Variants in EPM2A observed in about 807,000 individuals in gnomAD.
EPM2A encodes the protein EPM2A glucan phosphatase, laforin, also known as laforin.
A neutral mutation model predicts 26.5 loss-of-function variants in EPM2A; 21 were observed. The ratio of observed to expected loss-of-function variants is 0.79; its 90% CI spans 0.56 to 1.14. The LOEUF is 1.14. EPM2A is among the 50% of genes most tolerant of loss of function. EPM2A has a pLI of 0.00. For missense variants in EPM2A, 458 were observed against 440.8 expected, an observed-to-expected ratio of 1.04 and a Z score of -0.35; for synonymous variants, 217 against 177.6, an observed-to-expected ratio of 1.22 and a Z score of -1.76.
At position 145,422,873 on chromosome 6, in the gene EPM2A, A is replaced by G. The variant is rs145662458; in HGVS notation, c.556-38776T>C. On this transcript the variant is annotated intron_variant, in intron 4 of 4. Coordinates refer to the EPM2A transcript ENST00000638717. ...CAATAAGGGTCCTGTTGTTTTTAAT[A>G]TTTAATCACTAAAAATTTTTTTTCT... Among the ~76,000 whole-genome samples, 282 of 152,240 alleles carry G rather than the reference A, an allele frequency of 1.9e-3. 2 individuals carry two copies. The East Asian group carries it at 0.034, about 18-fold the overall frequency.
chr6:145,651,325 C>T (rs958594386), intron 2 of EPM2A, among the ~76,000 whole-genome samples: 1 of 152,190 alleles, frequency 6.6e-6, no homozygotes, highest in Non-Finnish European at 1.5e-5. Flanking sequence ...AAGTAGACTA[C>T]AATATACTTC....
chr6:145,541,304 GTGTGTGTATATACATATA>G (rs1289639047), intron 2 of EPM2A, among the ~76,000 whole-genome samples: 1 of 147,760 alleles, frequency 6.8e-6, no homozygotes, highest in Non-Finnish European at 1.5e-5. Flanking sequence ...CAATTTGTGT[GTGTGTGTATATACATATA>G]TATGTGTATA....
intron 2 of EPM2A, among the ~76,000 whole-genome samples, chr6:145,516,850 TA>T (rs1295115555): frequency 6.6e-6 from 1 of 152,226 alleles, no homozygotes; most frequent in Non-Finnish European, 1.5e-5. Flanking sequence ...TCTGTATATT[TA>T]TCCAAAAGAA....
intron 2 of EPM2A, among the ~76,000 whole-genome samples, chr6:145,527,003 C>T (rs180724730): frequency 6.6e-6 from 1 of 151,958 alleles, no homozygotes; most frequent in Non-Finnish European, 1.5e-5. Context: ...TCATTTACTT[C>T]AAATGATTTT....
intron 4 of EPM2A, among the ~76,000 whole-genome samples, chr6:145,478,961 G>T (rs532663907): frequency 6.6e-6 from 1 of 151,210 alleles, no homozygotes; most frequent in African/African-American, 2.4e-5. Context: ...TGTACTTTTC[G>T]CTTGATTTGT....
intron 2 of EPM2A, among the ~76,000 whole-genome samples, chr6:145,612,668 A>T (rs928988535): frequency 6.7e-6 from 1 of 149,762 alleles, no homozygotes; most frequent in African/African-American, 2.4e-5. Context: ...TGCTTATAAA[A>T]GCTATGTTTA....
Position 145,601,272 on chromosome 6 carries a change from A to T in EPM2A, c.340+33973T>A, listed in dbSNP as rs1248323043. The stretch of plus-strand genomic sequence containing the variant: ...GACCTATGGTGACCATACCTCTCAG[A>T]ATCCACTTCACCTGTTGTTTTTCCC... On this transcript the variant is annotated intron_variant, in intron 2 of 3. Transcript: ENST00000450221. Among the ~76,000 whole-genome samples, 3 of 152,168 alleles carry T rather than the reference A, an allele frequency of 2.0e-5. No individual in the cohort carries two copies. The East Asian group carries it at 5.8e-4, about 29-fold the overall frequency.
At chr6:145,645,462 C>T (rs1450977058) in intron 2 of EPM2A, among the ~76,000 whole-genome samples, 1 of 152,022 alleles carries the variant, frequency 6.6e-6, no homozygotes, top group Admixed American at 6.6e-5. Flanking sequence ...GTCACAATGC[C>T]CAGGTAATTT....
At chr6:145,482,963 A>G (rs1582789983) in intron 4 of EPM2A, among the ~76,000 whole-genome samples, 1 of 151,996 alleles carries the variant, frequency 6.6e-6, no homozygotes, top group South Asian at 2.1e-4. Context: ...GCAGCTCCAA[A>G]AGAAATAAAA....
intron 1 of EPM2A, among the ~76,000 whole-genome samples, chr6:145,698,352 C>A (rs932783790): frequency 1.3e-5 from 2 of 152,044 alleles, no homozygotes; most frequent in East Asian, 3.9e-4. Flanking sequence ...TCAAGGCATG[C>A]AGAAAAAGGA....
At chr6:145,495,103 C>A (rs78209217) in intron 4 of EPM2A, among the ~76,000 whole-genome samples, 1 of 152,236 alleles carries the variant, frequency 6.6e-6, no homozygotes, top group East Asian at 1.9e-4. Flanking sequence ...TTCCTCCTAT[C>A]ATTGTGTAGG....
chr6:145,651,014 G>C (rs144695724), intron 2 of EPM2A, among the ~76,000 whole-genome samples: 34 of 152,178 alleles, frequency 2.2e-4, no homozygotes, highest in Non-Finnish European at 1.5e-5. Flanking sequence ...GCCGCATCCT[G>C]CATGGATAGC....
intron 2 of EPM2A, among the ~76,000 whole-genome samples, chr6:145,601,552 G>A (rs1300474870): frequency 6.6e-6 from 1 of 152,168 alleles, no homozygotes; most frequent in African/African-American, 2.4e-5. Flanking sequence ...TGTTCTGTGT[G>A]TGTATGTGCA....
intron 1 of EPM2A, among the ~76,000 whole-genome samples, chr6:145,729,733 T>C (rs183031748): frequency 2.0e-5 from 3 of 152,200 alleles, no homozygotes; most frequent in Non-Finnish European, 4.4e-5. Flanking sequence ...ACTTCTGAGT[T>C]AATGCTGAAA....
chr6:145,562,106 G>A (rs1780813861), intron 2 of EPM2A, among the ~76,000 whole-genome samples: 1 of 134,896 alleles, frequency 7.4e-6, no homozygotes, highest in African/African-American at 2.8e-5. Flanking sequence ...AAAAAAACTA[G>A]CTTTCTTTTG....
chr6:145,455,504 C>T (rs1232547078), intron 4 of EPM2A, among the ~76,000 whole-genome samples: 5 of 151,994 alleles, frequency 3.3e-5, no homozygotes, highest in Non-Finnish European at 7.4e-5. Context: ...ATTACAGGTG[C>T]CCACCACCAC....
At chr6:145,662,723 G>A (rs1487153414) in intron 2 of EPM2A, among the ~76,000 whole-genome samples, 1 of 152,160 alleles carries the variant, frequency 6.6e-6, no homozygotes, top group Admixed American at 6.5e-5. Context: ...ATGTCAGGGG[G>A]ATCAGATATC....
intron 4 of EPM2A, among the ~76,000 whole-genome samples, chr6:145,420,786 C>T (rs1187375867): frequency 6.6e-6 from 1 of 152,072 alleles, no homozygotes; most frequent in Non-Finnish European, 1.5e-5. Flanking sequence ...AGAGAGCCCT[C>T]TTACTGTGTC....
chr6:145,618,274 C>T (rs1489189134), intron 2 of EPM2A, among the ~76,000 whole-genome samples: 1 of 152,076 alleles, frequency 6.6e-6, no homozygotes, highest in African/African-American at 2.4e-5. Flanking sequence ...TGTGCAAAAC[C>T]CCAAGGATAC....
Sources: allele counts gnomAD v4.1 joint callset (sites outside exome capture counted in the v4.1 genomes callset), GRCh38; gene constraint gnomAD v4.1.1; transcripts MANE v1.5; gene names NCBI Gene and HGNC (gene_info 2026-07-23, HGNC 2026-07-21).